BRINP3: variants seen among roughly 807,000 people sequenced by gnomAD.
BRINP3 encodes BMP/retinoic acid-inducible neural-specific protein 3.
In BRINP3, 19 loss-of-function variants were observed where a neutral mutation model predicts 71.0. The ratio of observed to expected loss-of-function variants is 0.27; its 90% confidence interval spans 0.19 to 0.39. The LOEUF (loss-of-function observed/expected upper bound fraction) is 0.39, where lower values mean the gene tolerates loss of function less well. BRINP3 is among the 10% of genes least tolerant of loss of function. The pLI is 1.00. For missense variants in BRINP3, 959 were observed against 940.8 expected, an observed-to-expected ratio of 1.02 and a Z score of -0.25; for synonymous variants, 380 against 337.7, an observed-to-expected ratio of 1.13 and a Z score of -1.37.
At chr1:190,340,290 C>T (rs1300273355) in intron 2 of BRINP3, among the ~76,000 whole-genome samples, 1 of 151,876 alleles carries the variant, frequency 6.6e-6, no homozygotes, top group Non-Finnish European at 1.5e-5. Context: ...CCCCAAAAGA[C>T]ATTTGCCAAA....
chr1:190,346,544 A>T (rs1484020287), intron 2 of BRINP3, among the ~76,000 whole-genome samples: 1 of 152,106 alleles, frequency 6.6e-6, no homozygotes, highest in African/African-American at 2.4e-5. Context: ...TTGCCAAAGG[A>T]TGTGCATTTC....
intron 2 of BRINP3, among the ~76,000 whole-genome samples, chr1:190,430,407 G>A (rs528787340): frequency 9.9e-5 from 15 of 152,224 alleles, no homozygotes; most frequent in Admixed American, 5.2e-4. Context: ...ATTAGTCAAG[G>A]TGAATTAGAA....
At chr1:190,278,373 A>AT (rs947405587) in intron 3 of BRINP3, among the ~76,000 whole-genome samples, 28 of 151,422 alleles carry the variant, frequency 1.8e-4, no homozygotes, top group Middle Eastern at 3.4e-3. Context: ...ACAAACCTCC[A>AT]TTTTTTTTAA....
intron 6 of BRINP3, among the ~76,000 whole-genome samples, chr1:190,189,356 TA>T (rs1310998839): frequency 6.6e-6 from 1 of 152,132 alleles, no homozygotes; most frequent in Non-Finnish European, 1.5e-5. Flanking sequence ...ATTTGTTCAT[TA>T]TTCAGTCTTA....
chr1:190,383,612 A>G (rs1271066944), intron 2 of BRINP3, among the ~76,000 whole-genome samples: 1 of 152,074 alleles, frequency 6.6e-6, no homozygotes, highest in African/African-American at 2.4e-5. Flanking sequence ...TAAATTTCAA[A>G]TAAGAAACCC....
At chr1:190,456,096 A>G (rs1384084769) in intron 1 of BRINP3, among the ~76,000 whole-genome samples, 2 of 152,204 alleles carry the variant, frequency 1.3e-5, no homozygotes. Context: ...GTATTAAGAT[A>G]TATCAGTAAT....
At chr1:190,201,439 C>T (rs986232874) in intron 6 of BRINP3, among the ~76,000 whole-genome samples, 22 of 152,024 alleles carry the variant, frequency 1.4e-4, no homozygotes, top group African/African-American at 4.8e-4. Context: ...CCTGACAATA[C>T]GATAGAAAAG....
chr1:190,451,421 G>A (rs775495639), intron 2 of BRINP3, among the ~76,000 whole-genome samples: 1 of 152,090 alleles, frequency 6.6e-6, no homozygotes, highest in Non-Finnish European at 1.5e-5. Flanking sequence ...ATCCTGACAG[G>A]CTTACAGCCT....
In BRINP3 at chr1:190,334,738, T is replaced by C. The variant is rs181775200; in HGVS notation, c.237-52988A>G. ...TGAAACAAACTTAAACTGGGAAGTATAAAATAAAGTTCTATAGATTGCAGG... is the reference window on the plus strand; with the variant it reads ...TGAAACAAACTTAAACTGGGAAGTACAAAATAAAGTTCTATAGATTGCAGG... On this transcript the variant is annotated intron_variant, in intron 2 of 7. Transcript: ENST00000367462. Among the ~76,000 whole-genome samples the C allele has an allele frequency of 4.6e-5, 7 of 151,786 alleles. No homozygotes were observed. The South Asian group carries it at 1.0e-3, about 22-fold the overall frequency.
At chr1:190,470,865 C>A (rs1401427854) in intron 1 of BRINP3, among the ~76,000 whole-genome samples, 2 of 151,032 alleles carry the variant, frequency 1.3e-5, no homozygotes, top group African/African-American at 4.8e-5. Context: ...ATTAGTAAAT[C>A]ATAATTGAGT....
intron 6 of BRINP3, among the ~76,000 whole-genome samples, chr1:190,175,838 G>T (rs977667866): frequency 6.6e-6 from 1 of 152,128 alleles, no homozygotes; most frequent in Non-Finnish European, 1.5e-5. Flanking sequence ...CCCCTTAGGT[G>T]ATTAAAACAA....
intron 2 of BRINP3, among the ~76,000 whole-genome samples, chr1:190,446,867 T>A (rs1014143519): frequency 1.3e-5 from 2 of 151,988 alleles, no homozygotes; most frequent in Non-Finnish European, 2.9e-5. Flanking sequence ...GATCTTTAAA[T>A]CCAGCATATC....
intron 3 of BRINP3, among the ~76,000 whole-genome samples, chr1:190,280,519 A>C (rs12060429): frequency 0.14 from 21,490 of 151,842 alleles, 2,009 homozygotes; most frequent in South Asian, 0.27. Flanking sequence ...GTGAGGAAAG[A>C]GTTTGATATG....
At chr1:190,376,530 A>T (rs1670193312) in intron 2 of BRINP3, among the ~76,000 whole-genome samples, 1 of 152,050 alleles carries the variant, frequency 6.6e-6, no homozygotes, top group Non-Finnish European at 1.5e-5. Context: ...TTTTATTCTC[A>T]TAAAAATCCA....
chr1:190,188,462 A>AT (rs1469567626), intron 6 of BRINP3, among the ~76,000 whole-genome samples: 2 of 152,046 alleles, frequency 1.3e-5, no homozygotes, highest in African/African-American at 4.8e-5. Flanking sequence ...AAATCTTTCA[A>AT]TTTTTCCCCA....
intron 2 of BRINP3, among the ~76,000 whole-genome samples, chr1:190,305,539 A>G: frequency 6.6e-6 from 1 of 151,716 alleles, no homozygotes. Flanking sequence ...TATGGAATCA[A>G]AGAAGTTATT....
chr1:190,415,577 A>C (rs561124323), intron 2 of BRINP3, among the ~76,000 whole-genome samples: 1 of 152,286 alleles, frequency 6.6e-6, no homozygotes, highest in African/African-American at 2.4e-5. Flanking sequence ...GCACTGTATA[A>C]ATGAAAATCT....
At chr1:190,205,102 T>C (rs1338100248) in intron 6 of BRINP3, among the ~76,000 whole-genome samples, 1 of 152,092 alleles carries the variant, frequency 6.6e-6, no homozygotes, top group Non-Finnish European at 1.5e-5. Flanking sequence ...CATGGAAATA[T>C]TCCCATGTTC....
intron 2 of BRINP3, among the ~76,000 whole-genome samples, chr1:190,405,493 C>CAA (rs1491336288): frequency 1.3e-5 from 1 of 78,260 alleles, no homozygotes; most frequent in African/African-American, 5.5e-5. Context: ...AAAAAAAAAA[C>CAA]CAGAATCAGA....
Sources: gnomAD v4.1 joint callset for allele counts (sites outside exome capture counted in the v4.1 genomes callset) on GRCh38, gnomAD v4.1.1 for gene constraint, MANE v1.5 for transcripts, NCBI Gene and HGNC (gene_info 2026-07-23, HGNC 2026-07-21) for gene names.